Variants in PPP2R2B observed in about 807,000 individuals in gnomAD.
PPP2R2B encodes the protein serine/threonine-protein phosphatase 2A 55 kDa regulatory subunit B beta isoform.
PPP2R2B carries 5 observed loss-of-function variants against 46.0 expected under a neutral mutation model. The ratio of observed to expected loss-of-function variants is 0.11; its 90% CI spans 0.06 to 0.23. PPP2R2B has a LOEUF of 0.23. PPP2R2B is among the 10% of genes least tolerant of loss of function. The pLI is 1.00. For synonymous variants in PPP2R2B, 215 were observed against 206.7 expected (o/e 1.04, Z -0.34); for missense variants, 367 against 575.0 (o/e 0.64, Z 3.70).
intron 2 of PPP2R2B, among the ~76,000 whole-genome samples, chr5:146,871,380 C>G (rs1393529401): frequency 3.3e-5 from 5 of 152,220 alleles, no homozygotes; most frequent in African/African-American, 4.8e-5. Flanking sequence ...CTCAGCTCAG[C>G]TCAGTCTGGG....
At chr5:146,724,687 C>T (rs540273470) in intron 2 of PPP2R2B, among the ~76,000 whole-genome samples, 45 of 152,190 alleles carry the variant, frequency 3.0e-4, no homozygotes, top group South Asian at 1.2e-3. Context: ...CCCATTAACA[C>T]GGTCCCAAAG....
intron 1 of PPP2R2B, among the ~76,000 whole-genome samples, chr5:146,952,819 G>C (rs1047655751): frequency 6.6e-6 from 1 of 152,110 alleles, no homozygotes; most frequent in Non-Finnish European, 1.5e-5. Context: ...ATTAACCTTG[G>C]CTGCTAGGTA....
intron 1 of PPP2R2B, among the ~76,000 whole-genome samples, chr5:146,929,157 C>T (rs1763884778): frequency 6.6e-6 from 1 of 152,156 alleles, no homozygotes; most frequent in African/African-American, 2.4e-5. Context: ...CTCTCTTCTT[C>T]CACATCCCTC....
At chr5:146,682,622 G>C (rs185283652) in intron 5 of PPP2R2B, among the ~76,000 whole-genome samples, 1 of 152,202 alleles carries the variant, frequency 6.6e-6, no homozygotes, top group Admixed American at 6.5e-5. Flanking sequence ...GCTGCCGTCT[G>C]GGCATAGTGA....
intron 2 of PPP2R2B, among the ~76,000 whole-genome samples, chr5:146,834,192 C>A (rs541016224): frequency 6.6e-6 from 1 of 152,304 alleles, no homozygotes; most frequent in East Asian, 1.9e-4. Flanking sequence ...CCATACTAGA[C>A]AAGGTCCTAG....
intron 3 of PPP2R2B, 131 bp downstream of exon 3, chr5:146,700,914 G>A (rs1736166205): frequency 7.7e-6 from 6 of 779,962 alleles, no homozygotes; most frequent in Non-Finnish European, 1.3e-5. Flanking sequence ...TGATGTTAAT[G>A]ACTTTTTTGG....
At chr5:146,797,426 C>T (rs1387602917) in intron 2 of PPP2R2B, among the ~76,000 whole-genome samples, 1 of 152,164 alleles carries the variant, frequency 6.6e-6, no homozygotes, top group African/African-American at 2.4e-5. Context: ...CCTGAACTCA[C>T]CATCTGGATT....
chr5:146,770,867 T>G (rs1754811122), intron 2 of PPP2R2B, among the ~76,000 whole-genome samples: 1 of 152,146 alleles, frequency 6.6e-6, no homozygotes, highest in South Asian at 2.1e-4. Flanking sequence ...GATTTGCAGC[T>G]CTCCACCAAA....
chr5:147,050,324 A>G (rs1756745710), intron 1 of PPP2R2B, among the ~76,000 whole-genome samples: 1 of 152,170 alleles, frequency 6.6e-6, no homozygotes, highest in South Asian at 2.1e-4. Flanking sequence ...TGCATTTATA[A>G]GATGAGAATG....
At chr5:146,930,868 A>C (rs1490660433) in intron 1 of PPP2R2B, among the ~76,000 whole-genome samples, 1 of 152,134 alleles carries the variant, frequency 6.6e-6, no homozygotes, top group East Asian at 1.9e-4. Flanking sequence ...TGCAGAGACT[A>C]GTCTCTTGGA....
intron 5 of PPP2R2B, among the ~76,000 whole-genome samples, chr5:146,674,075 G>C (rs1777553871): frequency 6.6e-6 from 1 of 152,128 alleles, no homozygotes; most frequent in African/African-American, 2.4e-5. Context: ...GTAGCAACTG[G>C]AGTCTCCCAG....
exon 1 of PPP2R2B, chr5:147,055,733 A>G: frequency 6.2e-7 from 1 of 1,613,160 alleles, no homozygotes; most frequent in South Asian, 1.1e-5. Flanking sequence ...GTAACGAGAG[A>G]AGCATTTCAT....
At chr5:146,761,147 A>T (rs1255129459) in intron 2 of PPP2R2B, among the ~76,000 whole-genome samples, 1 of 152,196 alleles carries the variant, frequency 6.6e-6, no homozygotes, top group Non-Finnish European at 1.5e-5. Flanking sequence ...CATTTGACCC[A>T]GCCATCCCAT....
At chr5:146,895,543 G>GT (rs1762618869) in intron 1 of PPP2R2B, among the ~76,000 whole-genome samples, 1 of 152,252 alleles carries the variant, frequency 6.6e-6, no homozygotes, top group South Asian at 2.1e-4. Flanking sequence ...CTCATCAGCA[G>GT]TTTTTTGTTT....
At chr5:146,644,953 A>G (rs1775478171) in intron 6 of PPP2R2B, among the ~76,000 whole-genome samples, 1 of 152,182 alleles carries the variant, frequency 6.6e-6, no homozygotes, top group Non-Finnish European at 1.5e-5. Context: ...ATTCCTGTCT[A>G]AGCCAATGGA....
chr5:146,617,869 A>G (rs1404308984), intron 7 of PPP2R2B, among the ~76,000 whole-genome samples: 2 of 151,746 alleles, frequency 1.3e-5, no homozygotes, highest in Non-Finnish European at 2.9e-5. Context: ...TAATTTTTGT[A>G]GTTTTAGTAG....
At chr5:146,848,769 G>C (rs192023776) in intron 2 of PPP2R2B, among the ~76,000 whole-genome samples, 1 of 152,264 alleles carries the variant, frequency 6.6e-6, no homozygotes, top group East Asian at 1.9e-4. Flanking sequence ...TTAAGGCTTA[G>C]GGAGCTATGC....
chr5:146,634,948 G>A (rs1001825653), intron 7 of PPP2R2B, among the ~76,000 whole-genome samples: 1 of 152,118 alleles, frequency 6.6e-6, no homozygotes, highest in Non-Finnish European at 1.5e-5. Flanking sequence ...TGAATAATGA[G>A]GCCTCCTATA....
At chr5:146,817,333 C>G (rs1232764835) in intron 2 of PPP2R2B, among the ~76,000 whole-genome samples, 4 of 152,208 alleles carry the variant, frequency 2.6e-5, no homozygotes, top group Non-Finnish European at 4.4e-5. Flanking sequence ...GACTTGGACA[C>G]CTGGCCTAGA....
Sources: gnomAD v4.1 joint callset for allele counts (sites outside exome capture counted in the v4.1 genomes callset) on GRCh38, gnomAD v4.1.1 for gene constraint, MANE v1.5 for transcripts, NCBI Gene and HGNC (gene_info 2026-07-23, HGNC 2026-07-21) for gene names.